IFT122: variants seen among roughly 807,000 people sequenced by gnomAD.
IFT122 encodes intraflagellar transport 122.
In IFT122, 118 loss-of-function variants were observed where a neutral mutation model predicts 161.6. The ratio of observed to expected loss-of-function variants is 0.73; its 90% CI spans 0.63 to 0.85. The LOEUF is 0.85. Ranked by LOEUF, IFT122 falls within the 40% of genes least tolerant of loss-of-function variation. IFT122 has a pLI of 0.00. For synonymous variants in IFT122, 550 were observed against 602.4 expected (o/e 0.91, Z 1.27); for missense variants, 1,381 against 1,579.6 (o/e 0.87, Z 2.13).
At chr3:129,462,428 T>C (rs1028276991) in intron 5 of IFT122, among the ~76,000 whole-genome samples, 1 of 152,200 alleles carries the variant, frequency 6.6e-6, no homozygotes, top group Admixed American at 6.5e-5. Context: ...TTATTCTCAT[T>C]CCCACCCTAC....
chr3:129,486,285 G>A (rs1457785245), intron 15 of IFT122, among the ~76,000 whole-genome samples: 3 of 152,178 alleles, frequency 2.0e-5, no homozygotes, highest in African/African-American at 7.2e-5. Flanking sequence ...CCAGCTTTCA[G>A]TCCTGACTCT....
At chr3:129,475,456 A>G (rs2108266622) in intron 9 of IFT122, among the ~76,000 whole-genome samples, 1 of 152,320 alleles carries the variant, frequency 6.6e-6, no homozygotes, top group Non-Finnish European at 1.5e-5. Context: ...GTTTGAGACT[A>G]GCCGGGACAA....
chr3:129,478,459 T>C (rs1012425071), intron 12 of IFT122, among the ~76,000 whole-genome samples: 1 of 152,146 alleles, frequency 6.6e-6, no homozygotes, highest in Non-Finnish European at 1.5e-5. Flanking sequence ...TTTTAAAAAA[T>C]ATTTTTCTTG....
At chr3:129,516,021 GCACA>G (rs906502666) in intron 26 of IFT122, among the ~76,000 whole-genome samples, 3 of 149,402 alleles carry the variant, frequency 2.0e-5, no homozygotes, top group African/African-American at 4.9e-5. Context: ...GACTGCCCCT[GCACA>G]CACACACATA....
Position 129,462,659 on chromosome 3 carries a change from G to A in IFT122, c.350-901G>A, listed in dbSNP as rs189896168. On this transcript the variant is annotated intron_variant, in intron 5 of 29. Coordinates refer to ENST00000348417, the MANE Select transcript of IFT122 (RefSeq NM_052989.3). ...TTGGAGGAAGCGTTCTGGACCAGGGGAAAGGCAAAAAATAACTTGTTTGAT... is the reference window on the plus strand; with the variant it reads ...TTGGAGGAAGCGTTCTGGACCAGGGAAAAGGCAAAAAATAACTTGTTTGAT... Among the ~76,000 whole-genome samples the A allele has an allele frequency of 5.1e-4, 78 of 152,308 alleles. 1 individual carries two copies. Among genetic ancestry groups the A allele is most frequent in the African/African-American group, 1.6e-3 (65 of 41,578 alleles).
intron 11 of IFT122, 139 bp downstream of exon 11, chr3:129,476,940 G>GTTT (rs201252917): frequency 1.3e-3 from 943 of 712,088 alleles, no homozygotes; most frequent in South Asian, 2.7e-3. Context: ...TCTGTGTCTT[G>GTTT]TTTTCTTTTT....
chr3:129,484,432 G>A (rs990485890), intron 15 of IFT122, among the ~76,000 whole-genome samples: 9 of 152,160 alleles, frequency 5.9e-5, no homozygotes, highest in Non-Finnish European at 1.2e-4. Context: ...GCTTTTCTAC[G>A]TGTATATATA....
At chr3:129,500,179 A>T (rs1433670158) in intron 19 of IFT122, 111 bp downstream of exon 19, 3 of 1,297,220 alleles carry the variant, frequency 2.3e-6, no homozygotes, top group Admixed American at 3.6e-5. Context: ...AGCTAATGTG[A>T]TAGTGGCTAG....
intron 2 of IFT122, among the ~76,000 whole-genome samples, chr3:129,451,140 C>T (rs981831797): frequency 1.3e-5 from 2 of 151,978 alleles, no homozygotes; most frequent in Non-Finnish European, 2.9e-5. Context: ...GCTCTGTTGC[C>T]CAAGCTGGTG....
chr3:129,496,492 G>A (rs1476355199), intron 18 of IFT122, among the ~76,000 whole-genome samples: 3 of 152,130 alleles, frequency 2.0e-5, no homozygotes, highest in East Asian at 1.9e-4. Context: ...ATAACCTATT[G>A]GTGGGCTACT....
chr3:129,508,336 C>T (rs935354185), intron 23 of IFT122, among the ~76,000 whole-genome samples: 2 of 152,228 alleles, frequency 1.3e-5, no homozygotes, highest in African/African-American at 4.8e-5. Flanking sequence ...ACAGCCTCTT[C>T]ATCCACTGTA....
In IFT122 at chr3:129,485,630, C is replaced by T. The variant is rs373313916; in HGVS notation, c.1851+1948C>T. On this transcript the variant is annotated intron_variant, in intron 15 of 29. Transcript: ENST00000348417. The stretch of plus-strand genomic sequence containing the variant: ...CTCCCTCAATTGCCCCAAACTAGCT[C>T]TGCTTATTTTATTAAAAGGTTTTCT... Among the ~76,000 whole-genome samples the T allele has an allele frequency of 7.9e-5, 12 of 152,356 alleles. No individual in the cohort carries two copies. In the East Asian group the frequency reaches 1.5e-3, roughly 20 times the overall value.
At chr3:129,514,138 A>C in intron 24 of IFT122, 1 of 592,838 alleles carries the variant, frequency 1.7e-6, no homozygotes, top group Non-Finnish European at 3.1e-6. Flanking sequence ...CAGCAGGCCC[A>C]GAGATGCTAA....
At chr3:129,492,081 A>G in intron 16 of IFT122, 60 bp from the exon 17 acceptor site, 3 of 1,303,298 alleles carry the variant, frequency 2.3e-6, no homozygotes, top group Non-Finnish European at 3.3e-6. Flanking sequence ...ACCCCTAGCC[A>G]ATCACCCACT....
chr3:129,459,362 T>C (rs1269606269), intron 4 of IFT122: 1 of 441,304 alleles, frequency 2.3e-6, no homozygotes, highest in Admixed American at 2.4e-5. Flanking sequence ...CGATCTCGGC[T>C]CACCGCAAGC....
At chr3:129,494,392 T>G (rs1348454241) in intron 17 of IFT122, among the ~76,000 whole-genome samples, 1 of 152,132 alleles carries the variant, frequency 6.6e-6, no homozygotes, top group South Asian at 2.1e-4. Context: ...CATTTCCAAC[T>G]ATTAGGAGTT....
At chr3:129,461,909 T>C (rs947137649) in intron 5 of IFT122, among the ~76,000 whole-genome samples, 4 of 152,130 alleles carry the variant, frequency 2.6e-5, no homozygotes, top group African/African-American at 7.2e-5. Flanking sequence ...GGAGTGAAAT[T>C]GGGCAGAGGC....
intron 7 of IFT122, among the ~76,000 whole-genome samples, chr3:129,465,109 ATATGAGTGTGTGTG>A (rs1408748883): frequency 7.8e-6 from 1 of 128,178 alleles, no homozygotes; most frequent in African/African-American, 3.2e-5. Context: ...GTGTACATGT[ATATGAGTGTGTGTG>A]TGTGTGTGTG....
At chr3:129,479,350 T>C (rs112646713) in intron 12 of IFT122, among the ~76,000 whole-genome samples, 5,797 of 152,026 alleles carry the variant, frequency 0.038, 335 homozygotes, top group African/African-American at 0.12. Context: ...GGCAGGAGAA[T>C]TGCTTTAGCC....
Sources: gnomAD v4.1 joint callset for allele counts (sites outside exome capture counted in the v4.1 genomes callset) on GRCh38, gnomAD v4.1.1 for gene constraint, MANE v1.5 for transcripts, NCBI Gene and HGNC (gene_info 2026-07-23, HGNC 2026-07-21) for gene names.